Variants in DROSHA observed in about 807,000 individuals in gnomAD.
The protein encoded by DROSHA is ribonuclease 3.
DROSHA carries 56 observed loss-of-function variants against 181.9 expected under a neutral mutation model. The ratio of observed to expected loss-of-function variants is 0.31; its 90% CI spans 0.25 to 0.38. DROSHA has a LOEUF of 0.38. Ranked by LOEUF, DROSHA falls within the 10% of genes least tolerant of loss-of-function variation. The pLI is 1.00. For missense variants in DROSHA, 1,218 were observed against 1,743.5 expected, an observed-to-expected ratio of 0.70 and a Z score of 5.37; for synonymous variants, 524 against 591.2, an observed-to-expected ratio of 0.89 and a Z score of 1.65.
intron 9 of DROSHA, 138 bp from the exon 10 acceptor site, chr5:31,508,913 C>T (rs1417137077): frequency 1.0e-6 from 1 of 997,676 alleles, no homozygotes; most frequent in East Asian, 2.7e-5. Flanking sequence ...AACTCCACCT[C>T]CCGAGTTCAA....
chr5:31,520,296 C>T (rs1739749100), intron 6 of DROSHA, among the ~76,000 whole-genome samples: 1 of 152,008 alleles, frequency 6.6e-6, no homozygotes, highest in Admixed American at 6.6e-5. Flanking sequence ...GTAGATTTTT[C>T]TTTTATTTCC....
At chr5:31,508,509 C>G (rs1738263539) in intron 10 of DROSHA, 112 bp downstream of exon 10, 14 of 1,493,598 alleles carry the variant, frequency 9.4e-6, no homozygotes, top group East Asian at 2.3e-5. Flanking sequence ...GGACAAAACC[C>G]TGACAGTAAA....
chr5:31,528,298 A>ATC (rs919972805), intron 4 of DROSHA, among the ~76,000 whole-genome samples: 1 of 152,020 alleles, frequency 6.6e-6, no homozygotes, highest in African/African-American at 2.4e-5. Context: ...TACCAACCCC[A>ATC]TCTCTCTCCT....
intron 6 of DROSHA, 24 bp from the exon 7 acceptor site, chr5:31,515,588 A>G: frequency 6.4e-7 from 1 of 1,550,896 alleles, no homozygotes. Context: ...ATATTTGCAA[A>G]ATGTTTGGAA....
intron 26 of DROSHA, among the ~76,000 whole-genome samples, chr5:31,430,618 A>G (rs1187884784): frequency 6.6e-6 from 1 of 152,242 alleles, no homozygotes; most frequent in Non-Finnish European, 1.5e-5. Flanking sequence ...AGGAAATTGA[A>G]TCATGTCTGG....
chr5:31,424,026 A>G (rs1743129085), intron 28 of DROSHA, among the ~76,000 whole-genome samples: 1 of 152,198 alleles, frequency 6.6e-6, no homozygotes, highest in East Asian at 1.9e-4. Flanking sequence ...TTAATTTAGT[A>G]TTTGTTCTAC....
chr5:31,422,022 T>C (rs1241091951), intron 29 of DROSHA, among the ~76,000 whole-genome samples: 1 of 138,434 alleles, frequency 7.2e-6, no homozygotes, highest in Admixed American at 7.3e-5. Context: ...GCCCTGAAGG[T>C]CAAGGGCTGC....
rs1416920568 is a variant in DROSHA at position 31,515,064 on chromosome 5, T to C, written c.1214A>G (p.Glu405Gly). The C allele has an allele frequency of 6.2e-7, 1 of 1,613,996 alleles. No homozygotes were observed. Among genetic ancestry groups the C allele is most frequent in the Non-Finnish European group, 8.5e-7 (1 of 1,179,876 alleles). The change falls in exon 8 of 36, where the codon GAA becomes GGA. Residue 405 changes from glutamate to glycine, a missense_variant. Physicochemically the swap from Glu to Gly is moderately conservative, Grantham distance 98. Coordinates refer to ENST00000344624, the MANE Select transcript of DROSHA (RefSeq NM_001382508.1). ...TMPDKNEEEEEELLKPVWIRC... is the reference protein window; with the variant it reads ...TMPDKNEEEEGELLKPVWIRC... The stretch of plus-strand genomic sequence containing the variant: ...AATCCACACAGGCTTAAGAAGTTCT[T>C]CTTCTTCCTCCTCATTCTTGTCAGG...
chr5:31,476,772 A>G (rs1004126118), intron 16 of DROSHA, among the ~76,000 whole-genome samples: 1 of 152,322 alleles, frequency 6.6e-6, no homozygotes, highest in Middle Eastern at 3.4e-3. Context: ...CAGAGCCCAC[A>G]GGGCATGGGC....
intron 16 of DROSHA, among the ~76,000 whole-genome samples, chr5:31,479,597 A>G (rs1184919608): frequency 6.6e-6 from 1 of 152,158 alleles, no homozygotes; most frequent in East Asian, 1.9e-4. Context: ...ATATATATCT[A>G]TAAATTGGAC....
chr5:31,413,414 G>A (rs1042538890), intron 30 of DROSHA, among the ~76,000 whole-genome samples: 1 of 152,218 alleles, frequency 6.6e-6, no homozygotes, highest in Non-Finnish European at 1.5e-5. Context: ...AAGAAAGTCT[G>A]AATGGCAGTT....
chr5:31,453,754 T>C (rs532604208), intron 20 of DROSHA, among the ~76,000 whole-genome samples: 1 of 152,110 alleles, frequency 6.6e-6, no homozygotes, highest in Admixed American at 6.5e-5. Flanking sequence ...CTTTCGTGAG[T>C]ACCTTGGAAG....
At chr5:31,437,134 T>C in intron 24 of DROSHA, 105 bp downstream of exon 24, 1 of 1,204,874 alleles carries the variant, frequency 8.3e-7, no homozygotes, top group Non-Finnish European at 1.2e-6. Context: ...ATACACGGTG[T>C]ATCAATGCCT....
chr5:31,414,654 C>T (rs910512838), intron 30 of DROSHA, among the ~76,000 whole-genome samples: 4 of 152,182 alleles, frequency 2.6e-5, no homozygotes, highest in Non-Finnish European at 1.5e-5. Context: ...ATAAACACAA[C>T]AGAAATGTTA....
chr5:31,509,271 G>A (rs1429233027), intron 9 of DROSHA, among the ~76,000 whole-genome samples: 1 of 147,790 alleles, frequency 6.8e-6, no homozygotes, highest in Non-Finnish European at 1.5e-5. Context: ...AGCCCATAAT[G>A]CTAAGTCACA....
At chr5:31,484,491 G>T (rs114526783) in intron 15 of DROSHA, among the ~76,000 whole-genome samples, 2,049 of 13,264 alleles carry the variant, frequency 0.15, 53 homozygotes, top group South Asian at 0.48. Context: ...CACTCTAAGT[G>T]TCTGCGTGTG....
At chr5:31,495,437 T>C (rs1752870331) in intron 11 of DROSHA, 65 bp from the exon 12 acceptor site, 5 of 1,422,878 alleles carry the variant, frequency 3.5e-6, no homozygotes, top group East Asian at 2.4e-5. Context: ...TAAAAATATA[T>C]TGTATTTCCT....
intron 11 of DROSHA, among the ~76,000 whole-genome samples, chr5:31,496,485 T>C (rs1752991199): frequency 6.6e-6 from 1 of 152,158 alleles, no homozygotes; most frequent in Non-Finnish European, 1.5e-5. Flanking sequence ...TATACAGGGC[T>C]CTCCCAGCGG....
rs1339947335 is a variant in DROSHA at position 31,464,252 on chromosome 5, C to T, written c.2558G>A (p.Arg853His). 9 of 1,613,388 alleles carry T rather than the reference C, an allele frequency of 5.6e-6. No homozygotes were observed. Among genetic ancestry groups the T allele is most frequent in the South Asian group, 1.1e-5 (1 of 91,042 alleles). ...SSQGFWKTGIRSDVCQHAMML... is the reference protein window; with the variant it reads ...SSQGFWKTGIHSDVCQHAMML... The stretch of plus-strand genomic sequence containing the variant: ...TCTCCCCACCTGACAGACATCAGAA[C>T]GGATGCCAGTTTTCCAGAATCCTTG... The change falls in exon 20 of 36, where the codon CGT (arginine) becomes CAT (histidine). Residue 853 changes from arginine to histidine, a missense_variant. Coordinates refer to ENST00000344624, the MANE Select transcript of DROSHA (RefSeq NM_001382508.1).
Sources: allele counts gnomAD v4.1 joint callset (sites outside exome capture counted in the v4.1 genomes callset), GRCh38; gene constraint gnomAD v4.1.1; transcripts MANE v1.5; gene names NCBI Gene and HGNC (gene_info 2026-07-23, HGNC 2026-07-21).